The following FGF12 variants were observed in gnomAD, a reference collection of about 807,000 sequenced individuals.
FGF12 encodes fibroblast growth factor 12B.
Under a neutral mutation model 23.6 loss-of-function variants are expected in FGF12, and 14 were observed. The ratio of observed to expected loss-of-function variants is 0.59; its 90% confidence interval spans 0.39 to 0.93. FGF12 has a LOEUF of 0.93. Among genes scored for constraint, FGF12 ranks in the 40% least tolerant of loss-of-function variants. FGF12 has a pLI of 0.00. For synonymous variants in FGF12, 62 were observed against 77.3 expected (o/e 0.80, Z 1.04); for missense variants, 175 against 217.8 (o/e 0.80, Z 1.24).
At chr3:192,224,363 C>T (rs1322948022) in intron 4 of FGF12, among the ~76,000 whole-genome samples, 1 of 152,082 alleles carries the variant, frequency 6.6e-6, no homozygotes, top group Non-Finnish European at 1.5e-5. Context: ...GATAACATTT[C>T]TTTTTCCTTT....
At chr3:192,166,751 T>C (rs1715181777) in intron 5 of FGF12, among the ~76,000 whole-genome samples, 1 of 152,212 alleles carries the variant, frequency 6.6e-6, no homozygotes, top group African/African-American at 2.4e-5. Context: ...CTAAGATTGT[T>C]CAATAAAGTT....
At chr3:192,396,825 A>C (rs1296533150) in intron 2 of FGF12, among the ~76,000 whole-genome samples, 1 of 152,216 alleles carries the variant, frequency 6.6e-6, no homozygotes, top group Non-Finnish European at 1.5e-5. Context: ...CTGCATAATC[A>C]CAAAGAAAAC....
intron 2 of FGF12, among the ~76,000 whole-genome samples, chr3:192,385,069 C>T (rs1719984414): frequency 1.3e-5 from 2 of 152,168 alleles, no homozygotes; most frequent in African/African-American, 4.8e-5. Flanking sequence ...GAAGCAGGTA[C>T]ATAGACTCGG....
chr3:192,310,749 G>T (rs1715890833), intron 4 of FGF12, among the ~76,000 whole-genome samples: 1 of 152,094 alleles, frequency 6.6e-6, no homozygotes, highest in Admixed American at 6.5e-5. Context: ...ATAATCATTT[G>T]GAAGCCCAAG....
chr3:192,439,804 G>T (rs551714304), intron 2 of FGF12, among the ~76,000 whole-genome samples: 1 of 151,906 alleles, frequency 6.6e-6, no homozygotes, highest in East Asian at 1.9e-4. Flanking sequence ...GTGAAACCCC[G>T]TCTCTACTAA....
intron 2 of FGF12, among the ~76,000 whole-genome samples, chr3:192,536,535 C>T (rs1485453292): frequency 6.6e-6 from 1 of 151,926 alleles, no homozygotes; most frequent in African/African-American, 2.4e-5. Context: ...GGCAATACAA[C>T]TATTAAAATT....
At chr3:192,271,409 G>A (rs1472394905) in intron 4 of FGF12, among the ~76,000 whole-genome samples, 1 of 152,156 alleles carries the variant, frequency 6.6e-6, no homozygotes, top group Admixed American at 6.5e-5. Flanking sequence ...CCATTTGCTG[G>A]AAGTTACAGT....
At chr3:192,495,086 C>T (rs916148917) in intron 2 of FGF12, among the ~76,000 whole-genome samples, 4 of 152,110 alleles carry the variant, frequency 2.6e-5, no homozygotes, top group Non-Finnish European at 5.9e-5. Context: ...GTCTTGAACT[C>T]CTGACCTCGT....
intron 2 of FGF12, among the ~76,000 whole-genome samples, chr3:192,401,913 C>T (rs1720775647): frequency 6.6e-6 from 1 of 152,174 alleles, no homozygotes; most frequent in African/African-American, 2.4e-5. Flanking sequence ...TCTTTTGGAG[C>T]TCAGCTTAAA....
intron 2 of FGF12, among the ~76,000 whole-genome samples, chr3:192,537,897 A>C (rs1461094974): frequency 6.8e-6 from 1 of 147,892 alleles, no homozygotes; most frequent in Non-Finnish European, 1.5e-5. Flanking sequence ...TGTTTTCCCA[A>C]AGTTTTCTTT....
At chr3:192,472,837 A>G (rs1200667166) in intron 2 of FGF12, among the ~76,000 whole-genome samples, 1 of 152,124 alleles carries the variant, frequency 6.6e-6, no homozygotes, top group African/African-American at 2.4e-5. Context: ...TGTCTCCATG[A>G]TTTCGAGTTT....
intron 4 of FGF12, among the ~76,000 whole-genome samples, chr3:192,221,675 T>C (rs1178156943): frequency 6.6e-6 from 1 of 152,124 alleles, no homozygotes; most frequent in East Asian, 1.9e-4. Flanking sequence ...GCATGGGTAA[T>C]ATAAAGAAAG....
At chr3:192,586,077 C>G (rs1713362745) in intron 2 of FGF12, among the ~76,000 whole-genome samples, 1 of 151,822 alleles carries the variant, frequency 6.6e-6, no homozygotes, top group Non-Finnish European at 1.5e-5. Context: ...AAAAATTAAC[C>G]AAGTGTACAT....
intron 2 of FGF12, among the ~76,000 whole-genome samples, chr3:192,583,434 A>C (rs569790239): frequency 3.3e-5 from 5 of 152,346 alleles, no homozygotes; most frequent in Non-Finnish European, 7.3e-5. Flanking sequence ...TGGCAGTGAG[A>C]GTGAACCTAT....
At chr3:192,449,703 A>C (rs1722464646) in intron 2 of FGF12, among the ~76,000 whole-genome samples, 1 of 152,144 alleles carries the variant, frequency 6.6e-6, no homozygotes, top group African/African-American at 2.4e-5. Context: ...CTTGAGGGCA[A>C]CACCTCCCTA....
intron 2 of FGF12, among the ~76,000 whole-genome samples, chr3:192,444,046 T>C (rs1722280549): frequency 6.6e-6 from 1 of 152,178 alleles, no homozygotes; most frequent in Non-Finnish European, 1.5e-5. Context: ...AGTGCCATAA[T>C]AAAGTAATAA....
At chr3:192,178,952 T>C (rs1716014275) in intron 4 of FGF12, among the ~76,000 whole-genome samples, 1 of 152,256 alleles carries the variant, frequency 6.6e-6, no homozygotes, top group Admixed American at 6.5e-5. Flanking sequence ...CTTTCGGTTA[T>C]TCTCACTGGA....
intron 2 of FGF12, among the ~76,000 whole-genome samples, chr3:192,415,745 C>T (rs1286969088): frequency 2.1e-4 from 32 of 151,010 alleles, no homozygotes; most frequent in Non-Finnish European, 3.0e-4. Context: ...CACACACACA[C>T]ACACACACAC....
chr3:192,573,745 C>T (rs1712754418), intron 2 of FGF12, among the ~76,000 whole-genome samples: 2 of 152,136 alleles, frequency 1.3e-5, no homozygotes, highest in African/African-American at 2.4e-5. Context: ...TAAAACCCAA[C>T]CAAATTTGGG....
Sources: gnomAD v4.1 joint callset for allele counts (sites outside exome capture counted in the v4.1 genomes callset) on GRCh38, gnomAD v4.1.1 for gene constraint, MANE v1.5 for transcripts, NCBI Gene and HGNC (gene_info 2026-07-23, HGNC 2026-07-21) for gene names.